The following SYT14 variants were observed in gnomAD, a reference collection of about 807,000 sequenced individuals.
SYT14 encodes synaptotagmin 14.
SYT14 carries 32 observed loss-of-function variants against 74.2 expected under a neutral mutation model. The ratio of observed to expected loss-of-function variants is 0.43; its 90% CI spans 0.33 to 0.58. The LOEUF is 0.58. Among genes scored for constraint, SYT14 ranks in the 20% least tolerant of loss-of-function variants. The probability of loss-of-function intolerance (pLI) is 0.05; values close to 1 mark genes in which losing one functional copy is unlikely to be tolerated. For missense variants in SYT14, 791 were observed against 981.8 expected (o/e 0.81, Z 2.60); for synonymous variants, 298 against 337.7 (o/e 0.88, Z 1.29).
chr1:209,979,230 A>T (rs977281652), intron 2 of SYT14, among the ~76,000 whole-genome samples: 5 of 151,266 alleles, frequency 3.3e-5, no homozygotes, highest in Admixed American at 3.3e-4. Flanking sequence ...ACTTTCTGAC[A>T]CTCCCCAGTG....
chr1:210,006,583 A>G (rs944508977), intron 2 of SYT14, among the ~76,000 whole-genome samples: 15 of 152,096 alleles, frequency 9.9e-5, no homozygotes, highest in African/African-American at 3.6e-4. Context: ...AGTATCCATG[A>G]CATGGAGTTA....
At chr1:210,171,218 TAAC>T (rs1406747923) in exon 10 of SYT14, 1 of 152,222 alleles carries the variant, frequency 6.6e-6, no homozygotes, top group Non-Finnish European at 1.5e-5. Context: ...CAAAGATTTA[TAAC>T]AACAGACTTA....
At chr1:210,140,249 G>A (rs565132764) in intron 7 of SYT14, among the ~76,000 whole-genome samples, 10 of 152,118 alleles carry the variant, frequency 6.6e-5, no homozygotes, top group South Asian at 4.1e-4. Flanking sequence ...TTGACCATTC[G>A]TGTATCTTCT....
chr1:210,166,941 A>C (rs1572406160), exon 10 of SYT14: 1 of 152,300 alleles, frequency 6.6e-6, no homozygotes, highest in African/African-American at 2.4e-5. Context: ...GAAGATATTT[A>C]ATGAAAAAAA....
In SYT14 at chr1:210,047,170, T is replaced by C. The variant is rs968074268; in HGVS notation, c.1312+25916T>C. ...ATTTAAGTAAATATTACTTTATCAT[T>C]AGATTTATTATTAGAAATTTTTATG... On this transcript the variant is annotated intron_variant, in intron 5 of 9. Coordinates refer to ENST00000637265, the Ensembl canonical transcript of SYT14. 2.6e-5 allele frequency among the ~76,000 whole-genome samples: 4 copies of C among 152,116 alleles called. No homozygotes were observed. The East Asian group carries it at 7.7e-4, about 29-fold the overall frequency.
At chr1:210,022,542 T>C (rs2080326056) in intron 5 of SYT14, among the ~76,000 whole-genome samples, 1 of 152,224 alleles carries the variant, frequency 6.6e-6, no homozygotes, top group African/African-American at 2.4e-5. Context: ...TTTTGAGATC[T>C]GGTCCTTGTT....
chr1:210,049,687 G>C (rs906750012), intron 5 of SYT14, among the ~76,000 whole-genome samples: 1 of 152,066 alleles, frequency 6.6e-6, no homozygotes, highest in Non-Finnish European at 1.5e-5. Flanking sequence ...TGTGGTGTTT[G>C]GTTTTCTGTT....
chr1:210,106,949 C>A (rs1173150250), intron 7 of SYT14, among the ~76,000 whole-genome samples: 1 of 152,180 alleles, frequency 6.6e-6, no homozygotes, highest in Non-Finnish European at 1.5e-5. Flanking sequence ...AAATAAAAAG[C>A]AAGTTAGTTA....
intron 5 of SYT14, among the ~76,000 whole-genome samples, chr1:210,041,254 G>A (rs747926028): frequency 1.3e-5 from 2 of 152,300 alleles, no homozygotes; most frequent in African/African-American, 2.4e-5. Context: ...AGCCAGATAG[G>A]AGGCTTTAGG....
At chr1:210,132,391 A>T (rs960349795) in intron 7 of SYT14, among the ~76,000 whole-genome samples, 2 of 151,766 alleles carry the variant, frequency 1.3e-5, no homozygotes, top group South Asian at 4.2e-4. Context: ...GACATAATTG[A>T]TTTTTTTTAA....
chr1:210,021,191 C>A, exon 5 of SYT14: 1 of 1,613,972 alleles, frequency 6.2e-7, no homozygotes, highest in South Asian at 1.1e-5. Flanking sequence ...GGAAACAAGG[C>A]AGAAATACAG....
chr1:209,973,386 G>T (rs565958983), intron 2 of SYT14, among the ~76,000 whole-genome samples: 1 of 151,680 alleles, frequency 6.6e-6, no homozygotes, highest in Non-Finnish European at 1.5e-5. Flanking sequence ...AACAGACCCC[G>T]GTGTGTGATG....
chr1:209,996,933 C>A (rs1204160379), intron 2 of SYT14, among the ~76,000 whole-genome samples: 2 of 151,880 alleles, frequency 1.3e-5, no homozygotes, highest in East Asian at 1.9e-4. Flanking sequence ...TGACAAAAAC[C>A]CTCACCAAAC....
chr1:210,083,778 A>C (rs1366441448), intron 5 of SYT14, among the ~76,000 whole-genome samples: 1 of 150,674 alleles, frequency 6.6e-6, no homozygotes, highest in Non-Finnish European at 1.5e-5. Context: ...CACATTGCCC[A>C]GGCTTAGTCT....
At chr1:209,980,449 T>A (rs763943958) in intron 2 of SYT14, among the ~76,000 whole-genome samples, 3 of 152,238 alleles carry the variant, frequency 2.0e-5, no homozygotes. Flanking sequence ...CTCTTTAGTT[T>A]AATTAGATCC....
At chr1:210,113,990 C>T (rs569606066) in intron 7 of SYT14, among the ~76,000 whole-genome samples, 136 of 151,358 alleles carry the variant, frequency 9.0e-4, no homozygotes, top group South Asian at 1.9e-3. Flanking sequence ...AAGAAGGGGA[C>T]GGACTTACCT....
intron 2 of SYT14, among the ~76,000 whole-genome samples, chr1:210,013,173 C>T (rs1027597983): frequency 2.7e-5 from 4 of 150,650 alleles, no homozygotes; most frequent in African/African-American, 9.8e-5. Flanking sequence ...CAGGTTCAAG[C>T]GATTCTCATG....
At chr1:210,100,121 A>G (rs778911583) in exon 7 of SYT14, 2 of 1,614,142 alleles carry the variant, frequency 1.2e-6, no homozygotes, top group Non-Finnish European at 1.7e-6. Context: ...TCACAAGAAC[A>G]GAAGCTTCTG....
At chr1:209,983,748 G>A (rs2079527637) in intron 2 of SYT14, among the ~76,000 whole-genome samples, 1 of 152,112 alleles carries the variant, frequency 6.6e-6, no homozygotes, top group Admixed American at 6.5e-5. Flanking sequence ...TTTATCTTGA[G>A]AATGGGCCAT....
Sources: gnomAD v4.1 joint callset for allele counts (sites outside exome capture counted in the v4.1 genomes callset) on GRCh38, gnomAD v4.1.1 for gene constraint, MANE v1.5 for transcripts, NCBI Gene and HGNC (gene_info 2026-07-23, HGNC 2026-07-21) for gene names.